The following CAMTA1 variants were observed in gnomAD, a reference collection of about 807,000 sequenced individuals.
CAMTA1 encodes calmodulin-binding transcription activator 1.
A neutral mutation model predicts 170.9 loss-of-function variants in CAMTA1; 27 were observed. The ratio of observed to expected loss-of-function variants is 0.16; its 90% CI spans 0.12 to 0.22. CAMTA1 has a LOEUF of 0.22. Ranked by LOEUF, CAMTA1 falls within the 10% of genes least tolerant of loss-of-function variation. The pLI, the probability that CAMTA1 is intolerant of heterozygous loss-of-function variation, is 1.00. For synonymous variants in CAMTA1, 833 were observed against 891.5 expected (o/e 0.93, Z 1.17); for missense variants, 1,619 against 2,217.2 (o/e 0.73, Z 5.42).
intron 16 of CAMTA1, among the ~76,000 whole-genome samples, chr1:7,742,401 A>G (rs924744119): frequency 2.0e-5 from 3 of 152,112 alleles, no homozygotes; most frequent in Non-Finnish European, 4.4e-5. Flanking sequence ...ATATACTTAT[A>G]TATAACTATA....
At chr1:7,337,885 G>A (rs906930881) in intron 5 of CAMTA1, among the ~76,000 whole-genome samples, 6 of 152,054 alleles carry the variant, frequency 3.9e-5, no homozygotes, top group African/African-American at 9.7e-5. Flanking sequence ...TTTCCAGCCC[G>A]CTTGTCCGCC....
chr1:7,261,671 T>C (rs1346071716), intron 5 of CAMTA1, among the ~76,000 whole-genome samples: 1 of 152,038 alleles, frequency 6.6e-6, no homozygotes, highest in East Asian at 1.9e-4. Context: ...AATAACAGAG[T>C]CAGGGAGGGC....
At chr1:7,290,990 TC>T (rs146949448) in intron 5 of CAMTA1, among the ~76,000 whole-genome samples, 118 of 152,272 alleles carry the variant, frequency 7.7e-4, no homozygotes, top group African/African-American at 2.6e-3. Flanking sequence ...ACCCCTGGTT[TC>T]CCCCTGCAGA....
intron 3 of CAMTA1, among the ~76,000 whole-genome samples, chr1:7,049,835 G>A (rs1029871084): frequency 1.3e-5 from 2 of 152,192 alleles, no homozygotes; most frequent in African/African-American, 4.8e-5. Flanking sequence ...ATGACTTAGT[G>A]TGTGTCAGGC....
At chr1:7,160,136 G>A (rs1647122178) in intron 4 of CAMTA1, among the ~76,000 whole-genome samples, 1 of 152,066 alleles carries the variant, frequency 6.6e-6, no homozygotes, top group Non-Finnish European at 1.5e-5. Flanking sequence ...CTAATCCCAG[G>A]TACTTGGGAG....
Position 7,468,489 on chromosome 1 carries a change from G to C in CAMTA1, c.510+588G>C, listed in dbSNP as rs1026245536. ...TCTGTCCATGGTGTTTGTGCACAGC[G>C]TTGCTGAACCAGGGGTGGGTAGGTA... On this transcript the variant is annotated intron_variant, in intron 6 of 22. Transcript: ENST00000303635. Among the ~76,000 whole-genome samples, 6 of 152,246 alleles carry C rather than the reference G, an allele frequency of 3.9e-5. No homozygotes were observed. The East Asian group carries it at 9.6e-4, about 24-fold the overall frequency.
At chr1:7,419,213 G>GT (rs2091398690) in intron 5 of CAMTA1, among the ~76,000 whole-genome samples, 1 of 1,538 alleles carries the variant, frequency 6.5e-4, no homozygotes, top group African/African-American at 1.7e-3. Flanking sequence ...CTGGAATGCA[G>GT]GGCACGATCT....
In CAMTA1 at chr1:6,884,335, C is replaced by CACACACACACAA. The variant is rs776481131; in HGVS notation, c.234+59126_234+59127insCACACACACAAA. Among the ~76,000 whole-genome samples, 938 of 143,936 alleles carry CACACACACACAA rather than the reference C, an allele frequency of 6.5e-3. 2 individuals carry two copies. The highest frequency in any genetic ancestry group is 9.6e-3 in the Non-Finnish European group (628 of 65,734). The allele number at this position is 143,936 out of a possible 152,430, so 94.4% of individuals were successfully genotyped here. A position where few individuals can be genotyped will look rare whatever the true frequency, so the allele number is the denominator to read the frequency against. ...ACACACACACACACACACACACACA[C>CACACACACACAA]AATTTTGTTTGGCTTTGATCCACAC... On this transcript the variant is annotated intron_variant, in intron 3 of 22. Transcript: ENST00000303635.
rs1350309216 is a variant in CAMTA1 at position 6,884,842 on chromosome 1, G to GT, written c.234+59633dup. Among the ~76,000 whole-genome samples the GT allele has an allele frequency of 2.6e-5, 4 of 152,352 alleles. No individual in the cohort carries two copies. In the East Asian group the frequency reaches 7.7e-4, roughly 29 times the overall value. On this transcript the variant is annotated intron_variant, in intron 3 of 22. Coordinates refer to ENST00000303635, the MANE Select transcript of CAMTA1 (RefSeq NM_015215.4). The stretch of plus-strand genomic sequence containing the variant: ...ACCTTTGGAAATCTCCTAGGAGCAT[G>GT]TAGAGACTCTGGTTTATCATTAACT...
intron 5 of CAMTA1, among the ~76,000 whole-genome samples, chr1:7,367,921 A>G (rs1219028957): frequency 1.3e-5 from 2 of 150,768 alleles, no homozygotes; most frequent in Non-Finnish European, 2.9e-5. Flanking sequence ...CTGGGCACTT[A>G]TGGTTTCACT....
chr1:7,188,780 C>T (rs985949929), intron 4 of CAMTA1, among the ~76,000 whole-genome samples: 1 of 152,178 alleles, frequency 6.6e-6, no homozygotes, highest in Non-Finnish European at 1.5e-5. Flanking sequence ...TAGGTGTACA[C>T]ATGTTTGTTC....
At position 7,173,821 on chromosome 1, in the gene CAMTA1, A is replaced by G. The variant is rs1650177757; in HGVS notation, c.303-75670A>G. 6.6e-6 allele frequency among the ~76,000 whole-genome samples: 1 copy of G among 152,080 alleles called. No homozygotes were observed. Among genetic ancestry groups the G allele is most frequent in the Non-Finnish European group, 1.5e-5 (1 of 68,018 alleles). ...TTCCTACAAAAACTCAACATGGCTCAGTGGACTGGACCCCAGCAGAACTTA... is the reference window on the plus strand; with the variant it reads ...TTCCTACAAAAACTCAACATGGCTCGGTGGACTGGACCCCAGCAGAACTTA... On this transcript the variant is annotated intron_variant, in intron 4 of 22. Coordinates refer to ENST00000303635, the MANE Select transcript of CAMTA1 (RefSeq NM_015215.4). The surrounding 1 kb of genome is among the most constrained non-coding windows in gnomAD (Gnocchi z 5.4).
chr1:7,709,069 G>C (rs1214281193), intron 11 of CAMTA1, among the ~76,000 whole-genome samples: 1 of 152,078 alleles, frequency 6.6e-6, no homozygotes, highest in African/African-American at 2.4e-5. Context: ...AGCCAGGCTG[G>C]TGTGCTGGTG....
chr1:7,445,044 G>A (rs2092643854), intron 5 of CAMTA1, among the ~76,000 whole-genome samples: 1 of 151,626 alleles, frequency 6.6e-6, no homozygotes, highest in African/African-American at 2.4e-5. Flanking sequence ...CCTAGCACGG[G>A]GTAGGAGGTG....
intron 11 of CAMTA1, among the ~76,000 whole-genome samples, chr1:7,704,222 G>A (rs1247770548): frequency 4.1e-5 from 6 of 147,194 alleles, no homozygotes; most frequent in Non-Finnish European, 9.1e-5. Flanking sequence ...GCGGGCCCTC[G>A]GCGCGGAGCT....
intron 3 of CAMTA1, among the ~76,000 whole-genome samples, chr1:6,942,751 G>T (rs1339102445): frequency 6.6e-6 from 1 of 152,248 alleles, no homozygotes; most frequent in African/African-American, 2.4e-5. Context: ...AGCACAAGCT[G>T]TAGCCAGGTC....
chr1:7,479,966 CAA>C (rs2093485858), intron 6 of CAMTA1, among the ~76,000 whole-genome samples: 1 of 149,692 alleles, frequency 6.7e-6, no homozygotes, highest in East Asian at 2.0e-4. Context: ...TGTGAGTACA[CAA>C]GTGTGTATAT....
chr1:6,813,055 A>C (rs767995995), intron 1 of CAMTA1, among the ~76,000 whole-genome samples: 8 of 152,156 alleles, frequency 5.3e-5, no homozygotes, highest in Non-Finnish European at 8.8e-5. Flanking sequence ...GTATACTTTA[A>C]TTTTTGTCTC....
At position 7,744,820 on chromosome 1, in the gene CAMTA1, A is replaced by C; in HGVS notation, c.4183-15A>C. The C allele has an allele frequency of 6.2e-7, 1 of 1,608,508 alleles. No individual in the cohort carries two copies. ...TCCTTTCTAACCTGAGTGTTCTGTG[A>C]ACTTCTGACTTCAGGTGAACATGAT... On this transcript the variant is annotated splice_polypyrimidine_tract_variant and intron_variant, in intron 16 of 22. Coordinates refer to ENST00000303635, the MANE Select transcript of CAMTA1 (RefSeq NM_015215.4).
Sources: allele counts gnomAD v4.1 joint callset (sites outside exome capture counted in the v4.1 genomes callset), GRCh38; gene constraint gnomAD v4.1.1; non-coding constraint Gnocchi (gnomAD v3.1); transcripts MANE v1.5; gene names NCBI Gene and HGNC (gene_info 2026-07-23, HGNC 2026-07-21).